Variants in ITPR3 observed in about 807,000 individuals in gnomAD.
ITPR3 encodes inositol 1,4,5-trisphosphate-gated calcium channel ITPR3.
A neutral mutation model predicts 293.2 loss-of-function variants in ITPR3; 173 were observed. The ratio of observed to expected loss-of-function variants is 0.59; its 90% CI spans 0.52 to 0.67. The LOEUF is 0.67. Among genes scored for constraint, ITPR3 ranks in the 30% least tolerant of loss-of-function variants. ITPR3 has a pLI of 0.00. For missense variants in ITPR3, 2,796 were observed against 3,592.1 expected (o/e 0.78, Z 5.66); for synonymous variants, 1,295 against 1,444.4 (o/e 0.90, Z 2.35).
intron 22 of ITPR3, 78 bp from the exon 23 acceptor site, chr6:33,673,513 C>T: frequency 1.3e-6 from 2 of 1,569,986 alleles, no homozygotes; most frequent in Admixed American, 1.7e-5. Context: ...CCCCCTGCCC[C>T]CCATAAAGTA....
At chr6:33,671,614 CCTGT>C (rs1388943670) in intron 21 of ITPR3, among the ~76,000 whole-genome samples, 6 of 152,156 alleles carry the variant, frequency 3.9e-5, no homozygotes, top group Non-Finnish European at 8.8e-5. Flanking sequence ...GGAGGCACAG[CCTGT>C]CTGAGGGTTG....
chr6:33,665,970 C>T lies in ITPR3; in HGVS notation c.1545C>T (p.Leu515=). The change falls in exon 14 of 58, where the codon CTC becomes CTT. Residue 515 remains leucine (L), a synonymous_variant. Coordinates refer to ENST00000605930, the MANE Select transcript of ITPR3 (RefSeq NM_002224.4). ...RQKLMREQNI[L]KQVFGILKAP... is the part of the protein sequence containing the mutation. ...AGCTGATGAGGGAGCAGAACATCCT[C>T]AAACAGGTGCGTGTGCACCCATGAG... The T allele has an allele frequency of 1.2e-6, 2 of 1,605,794 alleles. No individual in the cohort carries two copies. Among genetic ancestry groups the T allele is most frequent in the Middle Eastern group, 1.7e-4 (1 of 6,046 alleles).
intron 25 of ITPR3, among the ~76,000 whole-genome samples, chr6:33,676,473 G>C (rs1764909273): frequency 6.6e-6 from 1 of 152,236 alleles, no homozygotes; most frequent in Non-Finnish European, 1.5e-5. Context: ...TGGGGTCTCA[G>C]TGGATAAGTG....
chr6:33,661,162 T>G (rs192568898), intron 7 of ITPR3, among the ~76,000 whole-genome samples: 6 of 152,290 alleles, frequency 3.9e-5, no homozygotes, highest in Non-Finnish European at 1.5e-5. Flanking sequence ...GACCCAATCT[T>G]TATATCGTCA....
In ITPR3 at chr6:33,683,967, C is replaced by T; in HGVS notation, c.4789-53C>T. On this transcript the variant is annotated intron_variant, in intron 35 of 57. Transcript: ENST00000605930. The surrounding 1 kb of genome is among the most constrained non-coding windows in gnomAD (Gnocchi z 4.5). ...GCGTTTGGGTCGGAGGAATGGCAGTCACACCCGGGTCATTTCTTGGGCCTG... is the reference window on the plus strand; with the variant it reads ...GCGTTTGGGTCGGAGGAATGGCAGTTACACCCGGGTCATTTCTTGGGCCTG... The T allele has an allele frequency of 6.5e-7, 1 of 1,543,060 alleles. No homozygotes were observed. The highest frequency in any genetic ancestry group is 8.7e-7 in the Non-Finnish European group (1 of 1,144,970).
At chr6:33,661,992 G>GAAAAAAAAAAAATAAAAAAAAA (rs1764482166) in intron 7 of ITPR3, among the ~76,000 whole-genome samples, 1 of 47,186 alleles carries the variant, frequency 2.1e-5, no homozygotes, top group Non-Finnish European at 4.1e-5. Context: ...GACTGTCTCT[G>GAAAAAAAAAAAATAAAAAAAAA]AAAAAAAAAA....
Position 33,687,282 on chromosome 6 carries a change from G to A in ITPR3, c.6132G>A (p.Val2044=). ...LQEEERENSE[V]SPREVGHNIY... is the part of the protein sequence containing the mutation. The stretch of plus-strand genomic sequence containing the variant: ...AGGAAGAGCGTGAGAACTCGGAGGT[G>A]AGCCCACGTGAAGTGGGCCATAACA... Residue 2044 remains valine (V), a synonymous_variant, in exon 45 of 58, where the codon GTG becomes GTA. Coordinates refer to ENST00000605930, the MANE Select transcript of ITPR3 (RefSeq NM_002224.4). This position sits in a 1 kb window ranked among gnomAD's most constrained non-coding sequence, Gnocchi z 5.3. The A allele has an allele frequency of 1.9e-6, 3 of 1,613,740 alleles. No homozygotes were observed. The highest frequency in any genetic ancestry group is 2.5e-6 in the Non-Finnish European group (3 of 1,179,792).
Position 33,692,695 on chromosome 6 carries a change from C to A in ITPR3, c.7459-33C>A. Reference sequence around the variant, plus strand: ...CTTGCCCCAGTGAATGTGGGGACCACCGGGCCCAGCCTCCCTGCCTCATCC... The same window carrying A: ...CTTGCCCCAGTGAATGTGGGGACCAACGGGCCCAGCCTCCCTGCCTCATCC... On this transcript the variant is annotated intron_variant, in intron 54 of 57. Transcript: ENST00000605930. This position sits in a 1 kb window ranked among gnomAD's most constrained non-coding sequence, Gnocchi z 4.2. 6.2e-7 allele frequency: 1 copy of A among 1,609,150 alleles called. No individual in the cohort carries two copies. Among genetic ancestry groups the A allele is most frequent in the African/African-American group, 1.3e-5 (1 of 74,934 alleles).
In ITPR3 at chr6:33,687,594, G is replaced by GGTGA; in HGVS notation, c.6264+33_6264+34insAGTG. On this transcript the variant is annotated intron_variant, in intron 46 of 57. Coordinates refer to ENST00000605930, the MANE Select transcript of ITPR3 (RefSeq NM_002224.4). The surrounding 1 kb of genome is among the most constrained non-coding windows in gnomAD (Gnocchi z 5.3). ...GTGCTGGCCCCGAGACTGGGGTGGG[G>GGTGA]GTGGGGCCTGGAACCCAGGGAGGAC... 1.9e-6 allele frequency: 3 copies of GGTGA among 1,555,180 alleles called. No homozygotes were observed. The highest frequency in any genetic ancestry group is 2.6e-6 in the Non-Finnish European group (3 of 1,133,636).
intron 3 of ITPR3, among the ~76,000 whole-genome samples, chr6:33,657,513 CA>C (rs1764336439): frequency 1.3e-5 from 2 of 148,368 alleles, no homozygotes; most frequent in South Asian, 4.2e-4. Flanking sequence ...CAGCCCCTGC[CA>C]GCGTTTGGAC....
Position 33,691,963 on chromosome 6 carries a change from C to T in ITPR3, c.7458+35C>T. The T allele has an allele frequency of 6.2e-7, 1 of 1,612,570 alleles. No individual in the cohort carries two copies. Among genetic ancestry groups the T allele is most frequent in the Non-Finnish European group, 8.5e-7 (1 of 1,179,850 alleles). On this transcript the variant is annotated intron_variant, in intron 54 of 57. Transcript: ENST00000605930. This position sits in a 1 kb window ranked among gnomAD's most constrained non-coding sequence, Gnocchi z 4.9. ...CCTGCCCACTCCCAAACCTGTGGGGCCCAAGCCACTGTCCAGATCAGCAAC... is the reference window on the plus strand; with the variant it reads ...CCTGCCCACTCCCAAACCTGTGGGGTCCAAGCCACTGTCCAGATCAGCAAC...
At chr6:33,652,752 C>T (rs1764221143) in intron 2 of ITPR3, among the ~76,000 whole-genome samples, 1 of 152,146 alleles carries the variant, frequency 6.6e-6, no homozygotes, top group South Asian at 2.1e-4. Context: ...GCATGAGCCA[C>T]CGTGCCTGGC....
intron 1 of ITPR3, among the ~76,000 whole-genome samples, chr6:33,639,610 G>A (rs1168418437): frequency 2.6e-5 from 4 of 152,114 alleles, no homozygotes; most frequent in East Asian, 1.9e-4. Flanking sequence ...CCTTTGACAC[G>A]GTGGGTGATC....
At position 33,675,155 on chromosome 6, in the gene ITPR3, C is replaced by T. The variant is rs1764872062; in HGVS notation, c.3117-536C>T. Among the ~76,000 whole-genome samples, 1 of 152,174 alleles carries T rather than the reference C, an allele frequency of 6.6e-6. No individual in the cohort carries two copies. The highest frequency in any genetic ancestry group is 2.1e-4 in the South Asian group (1 of 4,834). On this transcript the variant is annotated intron_variant, in intron 24 of 57. Coordinates refer to ENST00000605930, the MANE Select transcript of ITPR3 (RefSeq NM_002224.4). The surrounding 1 kb of genome is among the most constrained non-coding windows in gnomAD (Gnocchi z 5.0). ...CCTTGTTTCTGGCTAGGTGTGGTCG[C>T]TCATGCTTGTAATCCCAGCACTTTG...
rs373691310 is a variant in ITPR3 at position 33,687,305 on chromosome 6, A to G, written c.6155A>G (p.Asn2052Ser). Reference protein sequence around the residue: ...SEVSPREVGHNIYILALQLSR... With the variant: ...SEVSPREVGHSIYILALQLSR... ...GTGAGCCCACGTGAAGTGGGCCATA[A>G]CATCTATATCCTGGCGCTGCAGGTA... The change falls in exon 45 of 58, where the codon AAC becomes AGC. Residue 2052 changes from asparagine (N) to serine (S), a missense_variant. This residue lies in a region of ITPR3 where 704 missense variants were observed against 797.5 expected (regional missense o/e 0.88). Transcript: ENST00000605930. This position sits in a 1 kb window ranked among gnomAD's most constrained non-coding sequence, Gnocchi z 5.3. 17 of 1,611,986 alleles carry G rather than the reference A, an allele frequency of 1.1e-5. No homozygotes were observed. The African/African-American group carries it at 2.3e-4, about 22-fold the overall frequency.
rs369951731 is a variant in ITPR3, at chr6:33,691,039, C to T, written c.7155C>T (p.Ile2385=). The T allele has an allele frequency of 2.4e-5, 38 of 1,614,104 alleles. No homozygotes were observed. The highest frequency in any genetic ancestry group is 1.2e-4 in the African/African-American group (9 of 74,944). ...LALILVYLFS[I]VGFLFLKDDF... is the part of the protein sequence containing the mutation. ...TCATCCTGGTCTACCTCTTCTCCAT[C>T]GTCGGCTTCCTCTTCCTCAAGGATG... The change falls in exon 52 of 58, where the codon ATC becomes ATT. Residue 2385 remains isoleucine (I), a synonymous_variant. Transcript: ENST00000605930. This position sits in a 1 kb window ranked among gnomAD's most constrained non-coding sequence, Gnocchi z 4.9.
rs377722337 is a variant in ITPR3 at position 33,691,044 on chromosome 6, G to C, written c.7160G>C (p.Gly2387Ala). 1.5e-4 allele frequency: 244 copies of C among 1,614,044 alleles called. No individual in the cohort carries two copies. The highest frequency in any genetic ancestry group is 1.8e-4 in the Non-Finnish European group (218 of 1,180,046). ...CTGGTCTACCTCTTCTCCATCGTCG[G>C]CTTCCTCTTCCTCAAGGATGACTTC... is the stretch of plus-strand genomic sequence containing the variant. ...LILVYLFSIV[G>A]FLFLKDDFIL... is the part of the protein sequence containing the mutation. The change falls in exon 52 of 58, where the codon GGC becomes GCC. Residue 2387 changes from glycine (G) to alanine (A), a missense_variant. Coordinates refer to ENST00000605930, the MANE Select transcript of ITPR3 (RefSeq NM_002224.4). This position sits in a 1 kb window ranked among gnomAD's most constrained non-coding sequence, Gnocchi z 4.9.
At position 33,679,105 on chromosome 6, in the gene ITPR3, A is replaced by T. The variant is rs147998990; in HGVS notation, c.3972+266A>T. 6.6e-6 allele frequency among the ~76,000 whole-genome samples: 1 copy of T among 152,354 alleles called. No individual in the cohort carries two copies. The highest frequency in any genetic ancestry group is 1.9e-4 in the East Asian group (1 of 5,186). On this transcript the variant is annotated intron_variant, in intron 30 of 57. Transcript: ENST00000605930. The surrounding 1 kb of genome is among the most constrained non-coding windows in gnomAD (Gnocchi z 4.2). ...ACAACAGGCCAGAAAGAAATCAAGC[A>T]TGCATTCCTTGTCACTTGTCGTCGT...
chr6:33,678,445 C>T lies in ITPR3; in HGVS notation c.3673C>T (p.Leu1225=). ...DKGDAKMMEI[L]RYTHQFLQKF... ...GGGTGATGCCAAGATGATGGAGATC[C>T]TGCGCTACACGCACCAGTTCCTGCA... The change falls in exon 29 of 58, where the codon CTG becomes TTG. Residue 1225 remains leucine (L), a synonymous_variant. Transcript: ENST00000605930. 6.2e-7 allele frequency: 1 copy of T among 1,613,780 alleles called. No individual in the cohort carries two copies. Among genetic ancestry groups the T allele is most frequent in the Non-Finnish European group, 8.5e-7 (1 of 1,179,986 alleles).
Sources: gnomAD v4.1 joint callset for allele counts (sites outside exome capture counted in the v4.1 genomes callset) on GRCh38, gnomAD v4.1.1 for gene constraint, gnomAD v4.1.1 regional missense constraint, Gnocchi (gnomAD v3.1) non-coding constraint, MANE v1.5 for transcripts, NCBI Gene and HGNC (gene_info 2026-07-23, HGNC 2026-07-21) for gene names.